NEBL: variants seen among roughly 807,000 people sequenced by gnomAD.
The protein encoded by NEBL is nebulette, also known as LIM and SH3 protein 2.
Under a neutral mutation model 140.2 loss-of-function variants are expected in NEBL, and 122 were observed. That is an observed-to-expected ratio of 0.87 (90% CI 0.75 to 1.01). NEBL has a LOEUF of 1.01. NEBL is among the 50% of genes least tolerant of loss of function. The probability of loss-of-function intolerance (pLI) is 0.00; values close to 1 mark genes in which losing one functional copy is unlikely to be tolerated. For missense variants in NEBL, 1,365 were observed against 1,231.3 expected, an observed-to-expected ratio of 1.11 and a Z score of -1.62; for synonymous variants, 436 against 398.9, an observed-to-expected ratio of 1.09 and a Z score of -1.11.
intron 11 of NEBL, among the ~76,000 whole-genome samples, chr10:20,845,648 GGA>G (rs1276499771): frequency 6.6e-6 from 1 of 151,986 alleles, no homozygotes; most frequent in African/African-American, 2.4e-5. Flanking sequence ...CCCATTTTTT[GGA>G]GGAGAACCAA....
chr10:20,906,659 G>A (rs145948853), intron 4 of NEBL, among the ~76,000 whole-genome samples: 1 of 151,920 alleles, frequency 6.6e-6, no homozygotes, highest in East Asian at 1.9e-4. Flanking sequence ...GGGGGTGTGG[G>A]TGTGTCTATG....
At chr10:21,080,685 C>G (rs1039116089) in intron 2 of NEBL, among the ~76,000 whole-genome samples, 4 of 152,114 alleles carry the variant, frequency 2.6e-5, no homozygotes, top group Admixed American at 2.6e-4. Flanking sequence ...CTGGATTGGG[C>G]TTGGAAAGTG....
intron 2 of NEBL, among the ~76,000 whole-genome samples, chr10:21,147,322 C>T (rs2132117318): frequency 6.6e-6 from 1 of 152,118 alleles, no homozygotes; most frequent in Middle Eastern, 3.4e-3. Context: ...AAGAAGGGGT[C>T]CTCATCAGCA....
At chr10:20,818,233 A>C (rs1415717435) in intron 20 of NEBL, among the ~76,000 whole-genome samples, 1 of 138,938 alleles carries the variant, frequency 7.2e-6, no homozygotes, top group African/African-American at 2.7e-5. Context: ...TGGAAAAAGA[A>C]GGCTTTTGTT....
At chr10:20,971,710 T>G (rs1376009316) in intron 3 of NEBL, among the ~76,000 whole-genome samples, 1 of 151,206 alleles carries the variant, frequency 6.6e-6, no homozygotes, top group Non-Finnish European at 1.5e-5. Context: ...GCCTCCCGGC[T>G]TCACGCCATT....
chr10:21,199,497 C>G (rs544982411), intron 3 of NEBL, among the ~76,000 whole-genome samples: 1 of 152,250 alleles, frequency 6.6e-6, no homozygotes, highest in Admixed American at 6.5e-5. Context: ...CAAGTGGAAG[C>G]CCCCTTAAAT....
intron 3 of NEBL, among the ~76,000 whole-genome samples, chr10:20,988,634 A>G (rs1162784023): frequency 1.3e-5 from 2 of 152,288 alleles, no homozygotes; most frequent in African/African-American, 4.8e-5. Context: ...ATTAGCATAC[A>G]CACATACTGT....
chr10:20,984,966 A>G (rs1023589331), intron 3 of NEBL, among the ~76,000 whole-genome samples: 1 of 152,174 alleles, frequency 6.6e-6, no homozygotes, highest in Non-Finnish European at 1.5e-5. Context: ...CTTGCCTCTT[A>G]TGAGAGTCTG....
chr10:20,999,712 A>G (rs893896389), intron 3 of NEBL, among the ~76,000 whole-genome samples: 1 of 152,198 alleles, frequency 6.6e-6, no homozygotes, highest in South Asian at 2.1e-4. Flanking sequence ...ACTGGGACCT[A>G]TCTAAGGCAA....
intron 2 of NEBL, among the ~76,000 whole-genome samples, chr10:21,132,908 A>G (rs1252923428): frequency 6.6e-6 from 1 of 152,130 alleles, no homozygotes; most frequent in African/African-American, 2.4e-5. Context: ...ATCTGCAAAT[A>G]TTTTCTTACA....
At chr10:21,010,374 A>T (rs1838289059) in intron 3 of NEBL, among the ~76,000 whole-genome samples, 1 of 151,994 alleles carries the variant, frequency 6.6e-6, no homozygotes, top group Non-Finnish European at 1.5e-5. Flanking sequence ...TCTCCTGAGT[A>T]GGTGGGACTA....
rs1233847176 is a variant in NEBL, at chr10:20,785,842, C to T, written c.2950G>A (p.Val984Met). The change falls in exon 28 of 28, where the codon GTG (valine) becomes ATG (methionine). Residue 984 changes from valine to methionine, a missense_variant. Val to Met is a conservative substitution (Grantham distance 21). Around this residue, in one of 2 missense-constraint regions of NEBL, gnomAD observed 42 missense variants for 76.5 expected, o/e 0.55. Coordinates refer to ENST00000377122, the MANE Select transcript of NEBL (RefSeq NM_006393.3). ...SFRDGDYIVNVQPIDDGWMYG... is the reference protein window; with the variant it reads ...SFRDGDYIVNMQPIDDGWMYG... ...ATCCAGCCATCGTCAATAGGCTGCA[C>T]GTTGACGATGTAGTCGCCGTCTCTA... is the stretch of plus-strand genomic sequence containing the variant. The T allele has an allele frequency of 1.2e-6, 2 of 1,613,992 alleles. No homozygotes were observed. Among genetic ancestry groups the T allele is most frequent in the Non-Finnish European group, 1.7e-6 (2 of 1,179,918 alleles).
At chr10:20,798,372 C>T (rs951297653) in intron 26 of NEBL, among the ~76,000 whole-genome samples, 1 of 152,106 alleles carries the variant, frequency 6.6e-6, no homozygotes, top group Non-Finnish European at 1.5e-5. Context: ...ATGTGGGGCA[C>T]CTGGCTGAAA....
intron 2 of NEBL, among the ~76,000 whole-genome samples, chr10:21,085,422 G>A (rs1248604436): frequency 6.6e-6 from 1 of 152,088 alleles, no homozygotes; most frequent in Non-Finnish European, 1.5e-5. Flanking sequence ...AGGAGTTCGA[G>A]ACCAGTCTGG....
chr10:20,785,651 A>C lies in NEBL; in HGVS notation c.*96T>G. On this transcript the variant is annotated 3_prime_UTR_variant, in exon 28 of 28. Transcript: ENST00000377122. ...TCAAAGGAAGGATACATCATTGTAA[A>C]ATAATGGCCAAGTTGTCTTAAAAGT... 1 of 1,404,568 alleles carries C rather than the reference A, an allele frequency of 7.1e-7. No homozygotes were observed. The highest frequency in any genetic ancestry group is 2.0e-5 in the Admixed American group (1 of 50,896). 87.0% of individuals were successfully genotyped at this position (1,404,568 alleles called of 1,614,324 possible). A position where few individuals can be genotyped will look rare whatever the true frequency, so the allele number is the denominator to read the frequency against.
At chr10:21,230,355 T>C (rs1425695597) in intron 3 of NEBL, among the ~76,000 whole-genome samples, 3 of 152,132 alleles carry the variant, frequency 2.0e-5, no homozygotes, top group Non-Finnish European at 4.4e-5. Flanking sequence ...TGAGCATGCA[T>C]GTTAAAGCAC....
Position 21,172,058 on chromosome 10 carries a change from T to G in NEBL, c.164+325A>C, listed in dbSNP as rs559547794. ...AATTGACACAGGATTAAAATGGAAA[T>G]CTACCTGACATGCACTTCAGAGCCC... On this transcript the variant is annotated intron_variant, in intron 2 of 6. Transcript: ENST00000417816. The G allele has an allele frequency of 3.8e-5, 13 of 339,276 alleles. 1 individual carries two copies. The South Asian group carries it at 4.3e-4, about 11-fold the overall frequency. 21.0% of individuals were successfully genotyped at this position (339,276 alleles called of 1,614,324 possible).
At chr10:20,839,297 C>G (rs948528296) in intron 13 of NEBL, among the ~76,000 whole-genome samples, 2 of 152,190 alleles carry the variant, frequency 1.3e-5, no homozygotes, top group Non-Finnish European at 2.9e-5. Context: ...AAGACAATCT[C>G]TGCATGTGGA....
At chr10:20,835,853 GCAATTGC>G (rs1462285552) in intron 13 of NEBL, among the ~76,000 whole-genome samples, 3 of 152,148 alleles carry the variant, frequency 2.0e-5, no homozygotes, top group African/African-American at 7.2e-5. Flanking sequence ...GTATACAAAG[GCAATTGC>G]CATGTGAAAA....
Sources: gnomAD v4.1 joint callset for allele counts (sites outside exome capture counted in the v4.1 genomes callset) on GRCh38, gnomAD v4.1.1 for gene constraint, gnomAD v4.1.1 regional missense constraint, MANE v1.5 for transcripts, NCBI Gene and HGNC (gene_info 2026-07-23, HGNC 2026-07-21) for gene names.